The following CDH23 variants were observed in gnomAD, a reference collection of about 807,000 sequenced individuals.
The protein encoded by CDH23 is cadherin-23.
In CDH23, 189 loss-of-function variants were observed where a neutral mutation model predicts 317.1. The observed-to-expected ratio is 0.60, with a 90% CI of 0.53 to 0.67. The LOEUF (loss-of-function observed/expected upper bound fraction) is 0.67. CDH23 is among the 30% of genes least tolerant of loss of function. The pLI, the probability that CDH23 is intolerant of heterozygous loss-of-function variation, is 0.00. For missense variants in CDH23, 4,401 were observed against 4,592.4 expected, an observed-to-expected ratio of 0.96 and a Z score of 1.20; for synonymous variants, 1,839 against 1,876.8, an observed-to-expected ratio of 0.98 and a Z score of 0.52.
intron 51 of CDH23, 87 bp downstream of exon 51, chr10:71,799,367 T>C (rs1841494075): frequency 2.5e-6 from 4 of 1,606,556 alleles, no homozygotes; most frequent in Non-Finnish European, 3.4e-6. Flanking sequence ...CCTGCCAGCC[T>C]CTAAGCCCCC....
intron 6 of CDH23, among the ~76,000 whole-genome samples, chr10:71,565,148 G>C (rs899898676): frequency 6.6e-5 from 10 of 152,100 alleles, no homozygotes; most frequent in Non-Finnish European, 1.3e-4. Flanking sequence ...GAAAGAGAGA[G>C]GGCAGGACAG....
chr10:71,411,570 A>G (rs544628943), intron 1 of CDH23, among the ~76,000 whole-genome samples: 1 of 152,242 alleles, frequency 6.6e-6, no homozygotes, highest in African/African-American at 2.4e-5. Context: ...ACAGTTTTAT[A>G]TCTTCTTTTA....
At position 71,779,399 on chromosome 10, in the gene CDH23, G is replaced by A. The variant is rs746863477; in HGVS notation, c.5320G>A (p.Gly1774Arg). 1 of 1,613,474 alleles carries A rather than the reference G, an allele frequency of 6.2e-7. No homozygotes were observed. The highest frequency in any genetic ancestry group is 1.7e-4 in the Middle Eastern group (1 of 6,060). The change falls in exon 41 of 70, where the codon GGA becomes AGA. Residue 1774 changes from glycine (G) to arginine (R), a missense_variant. Gly to Arg is a moderately radical substitution (Grantham distance 125, BLOSUM62 -2). Around this residue, in one of 3 missense-constraint regions of CDH23, gnomAD observed 3,068 missense variants for 3,203.3 expected, o/e 0.96. Coordinates refer to ENST00000224721, the MANE Select transcript of CDH23 (RefSeq NM_022124.6). ...WTFLAHDRDSGPNGQVEYSIM... is the reference protein window; with the variant it reads ...WTFLAHDRDSRPNGQVEYSIM... The stretch of plus-strand genomic sequence containing the variant: ...CTTCCTGGCCCATGACCGAGACTCA[G>A]GACCCAACGGGCAGGTGGAGTACAG...
At chr10:71,679,539 G>T (rs1382563587) in intron 17 of CDH23, 47 bp downstream of exon 17, 1 of 1,400,310 alleles carries the variant, frequency 7.1e-7, no homozygotes, top group African/African-American at 1.4e-5. Flanking sequence ...GAGGGCTGGG[G>T]GGCTCTCTGC....
At chr10:71,687,808 C>A in intron 19 of CDH23, 89 bp downstream of exon 19, 1 of 1,237,186 alleles carries the variant, frequency 8.1e-7, no homozygotes, top group Non-Finnish European at 1.2e-6. Context: ...CGGCTCTGCA[C>A]ACAAATTGTG....
intron 3 of CDH23, among the ~76,000 whole-genome samples, chr10:71,490,450 C>T (rs767687256): frequency 1.3e-5 from 2 of 152,100 alleles, no homozygotes; most frequent in Non-Finnish European, 2.9e-5. Flanking sequence ...GTAGGTCCTC[C>T]GTAAACGTTA....
At chr10:71,461,590 G>A (rs370838752) in intron 3 of CDH23, among the ~76,000 whole-genome samples, 2 of 152,184 alleles carry the variant, frequency 1.3e-5, no homozygotes, top group East Asian at 1.9e-4. Context: ...TCTTTTGCAC[G>A]ATCCATGTCT....
chr10:71,595,187 C>T (rs1159337648), intron 9 of CDH23, among the ~76,000 whole-genome samples: 1 of 152,202 alleles, frequency 6.6e-6, no homozygotes, highest in Non-Finnish European at 1.5e-5. Flanking sequence ...AGTTCATTGA[C>T]ATCACCTAGA....
At chr10:71,509,144 C>T (rs1853811028) in intron 3 of CDH23, among the ~76,000 whole-genome samples, 1 of 152,186 alleles carries the variant, frequency 6.6e-6, no homozygotes, top group African/African-American at 2.4e-5. Context: ...GGAACTAGAC[C>T]TTGTCACCCA....
At position 71,706,933 on chromosome 10, in the gene CDH23, C is replaced by T. The variant is rs553541801; in HGVS notation, c.2990C>T (p.Pro997Leu). 3.9e-5 allele frequency: 63 copies of T among 1,605,618 alleles called. No homozygotes were observed. The highest frequency in any genetic ancestry group is 2.6e-4 in the South Asian group (23 of 89,210). Residue 997 changes from proline (P) to leucine (L), a missense_variant, in exon 26 of 70, where the codon CCG (proline) becomes CTG (leucine). By Grantham distance (98) the Pro-to-Leu change is moderately conservative. Transcript: ENST00000224721. ...AACGACGAGACGCCCACCTTCTTCCCGGCCGTGTACAATGTGTCTGTGTCC... is the reference window on the plus strand; with the variant it reads ...AACGACGAGACGCCCACCTTCTTCCTGGCCGTGTACAATGTGTCTGTGTCC... The part of the protein sequence containing the change: ...DVNDETPTFF[P>L]AVYNVSVSED...
At chr10:71,596,242 T>C (rs1412810773) in intron 9 of CDH23, among the ~76,000 whole-genome samples, 1 of 152,090 alleles carries the variant, frequency 6.6e-6, no homozygotes. Context: ...CAAGGCCCTC[T>C]CTCGAGGTTG....
rs530948189 is a variant in CDH23, at chr10:71,432,521, T to C, written c.-5-7306T>C. On this transcript the variant is annotated intron_variant, in intron 1 of 69. Transcript: ENST00000224721. ...TGCAGTGTGTGGGTGAGTGTGAGTGTGTGGGTGAGTGTGTGAGAGAGTGTG... is the reference window on the plus strand; with the variant it reads ...TGCAGTGTGTGGGTGAGTGTGAGTGCGTGGGTGAGTGTGTGAGAGAGTGTG... 7.2e-5 allele frequency among the ~76,000 whole-genome samples: 11 copies of C among 152,032 alleles called. No homozygotes were observed. In the East Asian group the frequency reaches 2.1e-3, roughly 29 times the overall value.
intron 3 of CDH23, among the ~76,000 whole-genome samples, chr10:71,486,662 A>G (rs763539912): frequency 1.3e-5 from 2 of 152,294 alleles, no homozygotes; most frequent in Non-Finnish European, 1.5e-5. Context: ...CCATAGCCAC[A>G]GTTGCATGGT....
In CDH23 at chr10:71,426,503, CAGGAGGGGGCT is replaced by C. The variant is rs1436138198; in HGVS notation, c.-5-13320_-5-13310del. Reference sequence around the variant, plus strand: ...CACGGGAGATGGACTTCAGGTGAGGCAGGAGGGGGCTAGGTGAGGCCAAGCTGACTTTCTGG... The same window carrying C: ...CACGGGAGATGGACTTCAGGTGAGGCAGGTGAGGCCAAGCTGACTTTCTGG... On this transcript the variant is annotated intron_variant, in intron 1 of 69. Transcript: ENST00000224721. Among the ~76,000 whole-genome samples, 18 of 152,062 alleles carry C rather than the reference CAGGAGGGGGCT, an allele frequency of 1.2e-4. 1 individual carries two copies. In the South Asian group the frequency reaches 2.7e-3, roughly 23 times the overall value.
chr10:71,737,757 C>T (rs1237264152), intron 34 of CDH23: 3 of 469,796 alleles, frequency 6.4e-6, no homozygotes, highest in Non-Finnish European at 1.3e-5. Context: ...GGCCTGTGGC[C>T]GTCCGTGGAC....
At chr10:71,520,194 C>A (rs1854586980) in intron 6 of CDH23, among the ~76,000 whole-genome samples, 1 of 152,190 alleles carries the variant, frequency 6.6e-6, no homozygotes, top group Non-Finnish European at 1.5e-5. Context: ...ATGGACTCAT[C>A]CCCGTGGACT....
In CDH23 at chr10:71,732,292, G is replaced by A. The variant is rs121908351; in HGVS notation, c.4021G>A (p.Asp1341Asn). 9.3e-6 allele frequency: 15 copies of A among 1,612,408 alleles called. No individual in the cohort carries two copies. The highest frequency in any genetic ancestry group is 6.7e-5 in the East Asian group (3 of 44,836). ...EIVRVQAYSI[D>N]NLNQITYRFN... is the part of the protein sequence containing the mutation. ...TGTGCGGGTCCAGGCCTACTCCATC[G>A]ACAACCTCAACCAAATCACGTACCG... is the stretch of plus-strand genomic sequence containing the variant. The change falls in exon 32 of 70, where the codon GAC becomes AAC. Residue 1341 changes from aspartate (D) to asparagine (N), a missense_variant. By Grantham distance (23) the Asp-to-Asn change is conservative (BLOSUM62 1). Transcript: ENST00000224721.
At position 71,607,147 on chromosome 10, in the gene CDH23, A is replaced by G. The variant is rs373003075; in HGVS notation, c.833-8357A>G. ...CCAATTTTCATTATACAGTGATACA[A>G]CTCTATACCAGTCAGAATGATATGG... On this transcript the variant is annotated intron_variant, in intron 9 of 69. Transcript: ENST00000224721. Among the ~76,000 whole-genome samples, 13 of 152,020 alleles carry G rather than the reference A, an allele frequency of 8.6e-5. No individual in the cohort carries two copies. The East Asian group carries it at 1.2e-3, about 14-fold the overall frequency.
chr10:71,488,148 T>G (rs1852452099), intron 3 of CDH23, among the ~76,000 whole-genome samples: 1 of 152,166 alleles, frequency 6.6e-6, no homozygotes, highest in Non-Finnish European at 1.5e-5. Context: ...AGATGGACCA[T>G]CAACAGTTGT....
Sources: gnomAD v4.1 joint callset for allele counts (sites outside exome capture counted in the v4.1 genomes callset) on GRCh38, gnomAD v4.1.1 for gene constraint, gnomAD v4.1.1 regional missense constraint, MANE v1.5 for transcripts, NCBI Gene and HGNC (gene_info 2026-07-23, HGNC 2026-07-21) for gene names.